Variants in PCDH15 observed in about 807,000 individuals in gnomAD.
PCDH15 encodes protocadherin related 15, also known as protocadherin-15.
PCDH15 carries 129 observed loss-of-function variants against 178.5 expected under a neutral mutation model. The ratio of observed to expected loss-of-function variants is 0.72; its 90% CI spans 0.63 to 0.84. The LOEUF (loss-of-function observed/expected upper bound fraction) is 0.84. PCDH15 is among the 40% of genes least tolerant of loss of function. PCDH15 has a pLI of 0.00. For missense variants in PCDH15, 2,230 were observed against 2,099.9 expected (o/e 1.06, Z -1.21); for synonymous variants, 800 against 732.0 (o/e 1.09, Z -1.50).
At position 54,482,316 on chromosome 10, in the gene PCDH15, G is replaced by A. The variant is rs548285047; in HGVS notation, c.157+45496C>T. Among the ~76,000 whole-genome samples the A allele has an allele frequency of 1.9e-3, 287 of 151,668 alleles. 1 individual carries two copies. Among genetic ancestry groups the A allele is most frequent in the Non-Finnish European group, 3.2e-3 (214 of 67,788 alleles). On this transcript the variant is annotated intron_variant, in intron 3 of 37. Coordinates refer to ENST00000644397, the MANE Select transcript of PCDH15 (RefSeq NM_001384140.1). ...TCAGTAACAAAATAATACTGAAAAG[G>A]GTGAGTGCAATGACAAGAACATCAT...
chr10:55,194,454 G>A (rs1345232450), intron 1 of PCDH15, among the ~76,000 whole-genome samples: 1 of 151,986 alleles, frequency 6.6e-6, no homozygotes, highest in Admixed American at 6.6e-5. Flanking sequence ...AGAAACAGAG[G>A]CATCAACAGA....
chr10:54,221,259 T>C (rs2052774859), intron 9 of PCDH15, among the ~76,000 whole-genome samples: 1 of 152,158 alleles, frequency 6.6e-6, no homozygotes, highest in Admixed American at 6.6e-5. Flanking sequence ...GCTAAGAAAA[T>C]TCTACGTTTT....
chr10:54,734,115 AT>A (rs1943763612), intron 1 of PCDH15, among the ~76,000 whole-genome samples: 1 of 151,842 alleles, frequency 6.6e-6, no homozygotes, highest in Non-Finnish European at 1.5e-5. Context: ...CAAAAAACAT[AT>A]TTAAAAAGTG....
intron 2 of PCDH15, among the ~76,000 whole-genome samples, chr10:54,577,955 C>A (rs905257491): frequency 2.0e-5 from 3 of 152,124 alleles, no homozygotes; most frequent in South Asian, 2.1e-4. Flanking sequence ...CTTCTTAAGA[C>A]CATGTCGAAT....
At chr10:54,318,322 G>C (rs533898160) in intron 7 of PCDH15, among the ~76,000 whole-genome samples, 8 of 152,090 alleles carry the variant, frequency 5.3e-5, no homozygotes, top group Non-Finnish European at 7.4e-5. Context: ...AACACATCTG[G>C]TCTGTGATTC....
intron 3 of PCDH15, among the ~76,000 whole-genome samples, chr10:54,843,402 G>A (rs1953452572): frequency 6.6e-6 from 1 of 151,898 alleles, no homozygotes; most frequent in South Asian, 2.1e-4. Context: ...GCTCGAGCTG[G>A]AGTTTAATGC....
intron 1 of PCDH15, among the ~76,000 whole-genome samples, chr10:55,277,973 A>C (rs748987030): frequency 3.9e-5 from 6 of 152,150 alleles, no homozygotes; most frequent in Admixed American, 6.5e-5. Context: ...AGGACTAGCT[A>C]AGCTTGGAAG....
intron 3 of PCDH15, among the ~76,000 whole-genome samples, chr10:54,870,230 T>C (rs1954012592): frequency 6.6e-6 from 1 of 152,164 alleles, no homozygotes; most frequent in Admixed American, 6.5e-5. Context: ...TAGTAATCAA[T>C]TGGAAATTTT....
intron 7 of PCDH15, among the ~76,000 whole-genome samples, chr10:54,320,082 G>A (rs2061504339): frequency 1.3e-5 from 2 of 151,928 alleles, no homozygotes; most frequent in Admixed American, 1.3e-4. Flanking sequence ...CAGATCCCTA[G>A]AGGCACTATA....
chr10:54,208,671 C>A (rs1461990874), intron 10 of PCDH15, among the ~76,000 whole-genome samples: 2 of 151,892 alleles, frequency 1.3e-5, no homozygotes, highest in Non-Finnish European at 2.9e-5. Context: ...TATAATCCAC[C>A]CAGTCTTTTG....
chr10:55,549,179 C>G (rs895530758), intron 2 of PCDH15, among the ~76,000 whole-genome samples: 5 of 146,308 alleles, frequency 3.4e-5, no homozygotes, highest in African/African-American at 1.3e-4. Context: ...TTTGTTTTTT[C>G]CCCCCCAGCA....
rs993108402 is a variant in PCDH15, at chr10:54,107,232, A to T, written c.1918-17169T>A. Among the ~76,000 whole-genome samples the T allele has an allele frequency of 3.9e-5, 6 of 152,328 alleles. No homozygotes were observed. In the East Asian group the frequency reaches 1.2e-3, roughly 29 times the overall value. ...ATTAACACCAAAAATTGATTTTGTGATCCAAAGTATGGCTTGAAAATCTGC... is the reference window on the plus strand; with the variant it reads ...ATTAACACCAAAAATTGATTTTGTGTTCCAAAGTATGGCTTGAAAATCTGC... On this transcript the variant is annotated intron_variant, in intron 15 of 37. Transcript: ENST00000644397.
At chr10:55,074,314 T>C (rs1841826401) in intron 2 of PCDH15, among the ~76,000 whole-genome samples, 2 of 152,158 alleles carry the variant, frequency 1.3e-5, no homozygotes, top group African/African-American at 4.8e-5. Context: ...GTTGAACTAA[T>C]TTACATTTCC....
chr10:54,374,286 C>A (rs1446413291), intron 4 of PCDH15, among the ~76,000 whole-genome samples: 2 of 152,006 alleles, frequency 1.3e-5, no homozygotes, highest in Non-Finnish European at 2.9e-5. Flanking sequence ...GGGAGTCAAG[C>A]CCCTTTTGCA....
intron 1 of PCDH15, among the ~76,000 whole-genome samples, chr10:55,241,984 G>A (rs1012867043): frequency 6.6e-6 from 1 of 152,074 alleles, no homozygotes. Flanking sequence ...AGATTATGTG[G>A]TTTATGTTCT....
chr10:55,596,519 G>A (rs1210901242), intron 2 of PCDH15, among the ~76,000 whole-genome samples: 1 of 151,920 alleles, frequency 6.6e-6, no homozygotes, highest in African/African-American at 2.4e-5. Flanking sequence ...ATGCAAGGCA[G>A]AGAAAATAAT....
At position 54,512,362 on chromosome 10, in the gene PCDH15, TGTG is replaced by T. The variant is rs1565463723; in HGVS notation, c.157+15447_157+15449del. Among the ~76,000 whole-genome samples, 329 of 83,942 alleles carry T rather than the reference TGTG, an allele frequency of 3.9e-3. 1 individual carries two copies. The highest frequency in any genetic ancestry group is 0.019 in the East Asian group (61 of 3,144). The allele number at this position is 83,942 out of a possible 152,430, so 55.1% of individuals were successfully genotyped here. On this transcript the variant is annotated intron_variant, in intron 3 of 37. Transcript: ENST00000644397. ...CATGGTATAGACATTTCTGGCATTG[TGTG>T]TGTGTGTGTGTGTGTGTGTGTGTGT...
In PCDH15 at chr10:53,821,604, A is replaced by ATTAC. The variant is rs559266964; in HGVS notation, c.4368-1378_4368-1375dup. ...TATTCCCACTAAAAAAGAGATTAAA[A>ATTAC]TTACTTACTTTTCAAATAAATGTAG... is the stretch of plus-strand genomic sequence containing the variant. On this transcript the variant is annotated intron_variant, in intron 32 of 37. Transcript: ENST00000644397. 1.8e-4 allele frequency: 216 copies of ATTAC among 1,210,304 alleles called. 2 individuals are homozygous for ATTAC. The African/African-American group carries it at 2.8e-3, about 16-fold the overall frequency. The allele number at this position is 1,210,304 out of a possible 1,614,324, so 75.0% of individuals were successfully genotyped here. A position where few individuals can be genotyped will look rare whatever the true frequency, so the allele number is the denominator to read the frequency against.
At chr10:54,630,110 C>T (rs12770729) in intron 2 of PCDH15, among the ~76,000 whole-genome samples, 70,825 of 148,690 alleles carry the variant, frequency 0.48, 17,708 homozygotes, top group Non-Finnish European at 0.57. Flanking sequence ...GAAAATGTTC[C>T]ATGCTCATGA....
Sources: allele counts gnomAD v4.1 joint callset (sites outside exome capture counted in the v4.1 genomes callset), GRCh38; gene constraint gnomAD v4.1.1; transcripts MANE v1.5; gene names NCBI Gene and HGNC (gene_info 2026-07-23, HGNC 2026-07-21).